Variants in GOLT1B observed in about 807,000 individuals in gnomAD.
GOLT1B encodes the protein golgi transport 1B.
In GOLT1B, 3 loss-of-function variants were observed where a neutral mutation model predicts 15.4. The ratio of observed to expected loss-of-function variants is 0.19; its 90% CI spans 0.09 to 0.50. The LOEUF is 0.50. Among genes scored for constraint, GOLT1B ranks in the 20% least tolerant of loss-of-function variants. The probability of loss-of-function intolerance (pLI) is 0.97; values close to 1 mark genes in which losing one functional copy is unlikely to be tolerated. For synonymous variants in GOLT1B, 65 were observed against 56.2 expected (o/e 1.16, Z -0.70); for missense variants, 145 against 160.4 (o/e 0.90, Z 0.52).
chr12:21,515,060 A>G (rs1007431876), intron 4 of GOLT1B, among the ~76,000 whole-genome samples: 3 of 151,936 alleles, frequency 2.0e-5, no homozygotes, highest in Non-Finnish European at 4.4e-5. Flanking sequence ...AACCACTTAC[A>G]GTAATGTGTG....
rs910459440 is a variant in GOLT1B, at chr12:21,510,124, A to G, written c.296+1563A>G. ...AAACTGAAGTCAGGGGAGCCAGTCA[A>G]GAGGCGGTTAATACAGTACAGAATA... On this transcript the variant is annotated intron_variant, in intron 3 of 4. Transcript: ENST00000229314. 2.0e-5 allele frequency among the ~76,000 whole-genome samples: 3 copies of G among 152,178 alleles called. No individual in the cohort carries two copies. The East Asian group carries it at 5.8e-4, about 29-fold the overall frequency.
At chr12:21,514,484 C>T (rs1331981876) in intron 4 of GOLT1B, among the ~76,000 whole-genome samples, 1 of 152,114 alleles carries the variant, frequency 6.6e-6, no homozygotes, top group Non-Finnish European at 1.5e-5. Flanking sequence ...TTTCAAGTTA[C>T]CTTTGGAGAG....
At chr12:21,505,660 T>C (rs1484437443) in intron 1 of GOLT1B, among the ~76,000 whole-genome samples, 1 of 152,210 alleles carries the variant, frequency 6.6e-6, no homozygotes, top group Non-Finnish European at 1.5e-5. Flanking sequence ...ACATTTTATA[T>C]GACTTAAGAG....
intron 3 of GOLT1B, among the ~76,000 whole-genome samples, chr12:21,509,182 TGAGGTCAG>T (rs1943701251): frequency 6.6e-6 from 1 of 151,928 alleles, no homozygotes; most frequent in South Asian, 2.1e-4. Context: ...GCGGATCACC[TGAGGTCAG>T]GAGGTCAAGA....
Position 21,508,488 on chromosome 12 carries a change from G to A in GOLT1B, c.223G>A (p.Val75Ile). Residue 75 changes from valine to isoleucine, a missense_variant, in exon 3 of 5, where the codon GTA becomes ATA. Val to Ile is a conservative substitution (Grantham distance 29, BLOSUM62 3). Coordinates refer to ENST00000229314, the MANE Select transcript of GOLT1B (RefSeq NM_016072.5). ...AGCTACAGGTTTTTTTCTGGGTGGT[G>A]TATTTGTAGTCCTTATTGGTTGGCC... ...MKATGFFLGG[V>I]FVVLIGWPLI... 3.2e-6 allele frequency: 5 copies of A among 1,586,122 alleles called. No homozygotes were observed. Among genetic ancestry groups the A allele is most frequent in the Non-Finnish European group, 3.5e-6 (4 of 1,156,294 alleles).
chr12:21,506,902 A>T lies in GOLT1B; in HGVS notation c.43A>T (p.Thr15Ser), dbSNP rs760173283. 1 of 1,470,988 alleles carries T rather than the reference A, an allele frequency of 6.8e-7. No homozygotes were observed. The highest frequency in any genetic ancestry group is 1.2e-5 in the South Asian group (1 of 86,620). 91.1% of individuals were successfully genotyped at this position (1,470,988 alleles called of 1,614,324 possible). The change falls in exon 2 of 5, where the codon ACA becomes TCA. Residue 15 changes from threonine to serine, a missense_variant. By Grantham distance (58) the Thr-to-Ser change is moderately conservative (BLOSUM62 1). Coordinates refer to ENST00000229314, the MANE Select transcript of GOLT1B (RefSeq NM_016072.5). ...TDTQKIGMGLTGFGVFFLFFG... is the reference protein window; with the variant it reads ...TDTQKIGMGLSGFGVFFLFFG... ...TATTGCAGAAATTGGAATGGGATTA[A>T]CAGGATTTGGAGTGTTTTTCCTGTT...
chr12:21,505,573 A>T (rs1449051288), intron 1 of GOLT1B, among the ~76,000 whole-genome samples: 3 of 152,184 alleles, frequency 2.0e-5, no homozygotes, highest in African/African-American at 4.8e-5. Flanking sequence ...GCAATGGAAG[A>T]CACTAGTTAT....
chr12:21,503,415 C>T (rs1052044177), intron 1 of GOLT1B, among the ~76,000 whole-genome samples: 2 of 152,188 alleles, frequency 1.3e-5, no homozygotes, highest in Non-Finnish European at 2.9e-5. Context: ...CTGTACCCCA[C>T]TATCACCTAA....
intron 1 of GOLT1B, among the ~76,000 whole-genome samples, chr12:21,504,866 C>T (rs1235670135): frequency 1.3e-5 from 2 of 152,142 alleles, no homozygotes; most frequent in African/African-American, 2.4e-5. Context: ...ACTTGAATCC[C>T]CTAAAAGATG....
intron 4 of GOLT1B, chr12:21,515,366 AGT>A (rs1943748460): frequency 1.6e-6 from 1 of 632,822 alleles, no homozygotes; most frequent in Non-Finnish European, 2.7e-6. Context: ...TTAAGCTAGC[AGT>A]GTTATCTTCA....
At chr12:21,509,726 G>C (rs1943706431) in intron 3 of GOLT1B, among the ~76,000 whole-genome samples, 1 of 152,142 alleles carries the variant, frequency 6.6e-6, no homozygotes, top group Non-Finnish European at 1.5e-5. Context: ...GGGCTTTGAA[G>C]AATGGGTAAG....
rs1437216231 is a variant in GOLT1B, at chr12:21,515,670, T to C, written c.380T>C (p.Phe127Ser). 1 of 1,363,032 alleles carries C rather than the reference T, an allele frequency of 7.3e-7. No individual in the cohort carries two copies. 84.4% of individuals were successfully genotyped at this position (1,363,032 alleles called of 1,614,324 possible). ...TCTCTGTTTTTCTTCTCCTTACAGT[T>C]TGTAGATAAAGTTGGAGAAAGCAAC... Reference protein sequence around the residue: ...SLLNLPGIRSFVDKVGESNNM... With the variant: ...SLLNLPGIRSSVDKVGESNNM... The change falls in exon 5 of 5, where the codon TTT becomes TCT. Residue 127 changes from phenylalanine to serine, a missense_variant and splice_region_variant. Transcript: ENST00000229314.
chr12:21,502,348 G>T (rs1409537697), intron 1 of GOLT1B, among the ~76,000 whole-genome samples: 1 of 152,178 alleles, frequency 6.6e-6, no homozygotes, highest in African/African-American at 2.4e-5. Flanking sequence ...CACACTTCGG[G>T]TCCTCTACAA....
intron 1 of GOLT1B, among the ~76,000 whole-genome samples, chr12:21,502,400 G>T (rs578174435): frequency 6.6e-6 from 1 of 152,308 alleles, no homozygotes; most frequent in South Asian, 2.1e-4. Flanking sequence ...TATTTTAAAT[G>T]TCACCTACAG....
At chr12:21,501,993 A>G (rs371721980) in intron 1 of GOLT1B, 45 bp downstream of exon 1, 60 of 1,458,946 alleles carry the variant, frequency 4.1e-5, no homozygotes, top group Non-Finnish European at 5.6e-5. Context: ...GCGCACACCC[A>G]TCGCCCGGCT....
chr12:21,510,480 C>A (rs1943711934), intron 3 of GOLT1B, among the ~76,000 whole-genome samples: 1 of 152,078 alleles, frequency 6.6e-6, no homozygotes, highest in African/African-American at 2.4e-5. Context: ...GAGTAATACA[C>A]AGGTTTCGTG....
chr12:21,511,721 A>G (rs1441834504), intron 3 of GOLT1B, among the ~76,000 whole-genome samples: 2 of 152,242 alleles, frequency 1.3e-5, no homozygotes, highest in Admixed American at 6.5e-5. Context: ...GTATCACTAC[A>G]TATTTTAAGA....
At chr12:21,510,921 C>A (rs1943714962) in intron 3 of GOLT1B, among the ~76,000 whole-genome samples, 1 of 152,168 alleles carries the variant, frequency 6.6e-6, no homozygotes, top group African/African-American at 2.4e-5. Flanking sequence ...ACTCGTCTTA[C>A]CACAATCAAC....
rs182356642 is a variant in GOLT1B, at chr12:21,506,958, A to G, written c.99A>G (p.Ala33=). The G allele has an allele frequency of 4.3e-6, 6 of 1,380,580 alleles. No individual in the cohort carries two copies. Among genetic ancestry groups the G allele is most frequent in the African/African-American group, 1.4e-5 (1 of 70,374 alleles). 85.5% of individuals were successfully genotyped at this position (1,380,580 alleles called of 1,614,324 possible). A position where few individuals can be genotyped will look rare whatever the true frequency, so the allele number is the denominator to read the frequency against. ...GAATGATTCTCTTTTTTGACAAAGC[A>G]CTACTGGCTATTGGAAATGTGAGTT... ...FFGMILFFDK[A]LLAIGNVLFV... is the part of the protein sequence containing the mutation. The change falls in exon 2 of 5, where the codon GCA becomes GCG. Residue 33 remains alanine (A), a synonymous_variant. Coordinates refer to ENST00000229314, the MANE Select transcript of GOLT1B (RefSeq NM_016072.5).
Sources: gnomAD v4.1 joint callset for allele counts (sites outside exome capture counted in the v4.1 genomes callset) on GRCh38, gnomAD v4.1.1 for gene constraint, MANE v1.5 for transcripts, NCBI Gene and HGNC (gene_info 2026-07-23, HGNC 2026-07-21) for gene names.